Variants in MVB12B observed in about 807,000 individuals in gnomAD.
The protein encoded by MVB12B is ESCRT-I complex subunit MVB12B.
A neutral mutation model predicts 41.6 loss-of-function variants in MVB12B; 16 were observed. That is an observed-to-expected ratio of 0.38 (90% CI 0.26 to 0.58). The LOEUF (loss-of-function observed/expected upper bound fraction) is 0.58, where lower values mean the gene tolerates loss of function less well. Among genes scored for constraint, MVB12B ranks in the 20% least tolerant of loss-of-function variants. The probability of loss-of-function intolerance (pLI) is 0.62; values close to 1 mark genes in which losing one functional copy is unlikely to be tolerated. For synonymous variants in MVB12B, 133 were observed against 139.7 expected (o/e 0.95, Z 0.34); for missense variants, 274 against 380.2 (o/e 0.72, Z 2.32).
chr9:126,427,675 TATA>T (rs1372583612), intron 7 of MVB12B, among the ~76,000 whole-genome samples: 1 of 152,188 alleles, frequency 6.6e-6, no homozygotes, highest in African/African-American at 2.4e-5. Context: ...AAAACTGGCA[TATA>T]ATAAGACCAA....
At chr9:126,404,414 G>A (rs928715369) in intron 6 of MVB12B, among the ~76,000 whole-genome samples, 2 of 152,214 alleles carry the variant, frequency 1.3e-5, no homozygotes, top group Non-Finnish European at 2.9e-5. Context: ...GCAAGCTACT[G>A]TTAGTGTGCA....
At chr9:126,331,052 A>G (rs1829116935) in intron 1 of MVB12B, among the ~76,000 whole-genome samples, 1 of 152,206 alleles carries the variant, frequency 6.6e-6, no homozygotes, top group Admixed American at 6.5e-5. Flanking sequence ...TATTGTGAAT[A>G]ATGTTGCTCT....
rs531030816 is a variant in MVB12B at position 126,436,040 on chromosome 9, A to C, written c.757+14092A>C. Among the ~76,000 whole-genome samples the C allele has an allele frequency of 1.3e-5, 2 of 152,244 alleles. No homozygotes were observed. Among genetic ancestry groups the C allele is most frequent in the African/African-American group, 4.8e-5 (2 of 41,476 alleles). On this transcript the variant is annotated intron_variant, in intron 7 of 9. Coordinates refer to ENST00000361171, the MANE Select transcript of MVB12B (RefSeq NM_033446.3). The surrounding 1 kb of genome is among the most constrained non-coding windows in gnomAD (Gnocchi z 4.1). ...TTGTTTTGATTCATCATTTTTGCAGATAATTAAATGGTTCAGTTGGCACAG... is the reference window on the plus strand; with the variant it reads ...TTGTTTTGATTCATCATTTTTGCAGCTAATTAAATGGTTCAGTTGGCACAG...
chr9:126,362,200 T>A (rs1031440458), intron 2 of MVB12B, among the ~76,000 whole-genome samples: 8 of 152,198 alleles, frequency 5.3e-5, no homozygotes, highest in Non-Finnish European at 1.0e-4. Context: ...GTATTTCTTG[T>A]TCAGTTCTCC....
At chr9:126,397,644 CT>C in intron 6 of MVB12B, 1 of 985,364 alleles carries the variant, frequency 1.0e-6, no homozygotes, top group South Asian at 4.7e-5. Flanking sequence ...CCAAGTTCTC[CT>C]GTGCGGTAAT....
chr9:126,430,330 G>C (rs1298752444), intron 7 of MVB12B, among the ~76,000 whole-genome samples: 2 of 151,780 alleles, frequency 1.3e-5, no homozygotes, highest in East Asian at 3.9e-4. Context: ...CCTTGCCTTT[G>C]TCTTGCGCTA....
intron 3 of MVB12B, among the ~76,000 whole-genome samples, chr9:126,385,759 A>AT: frequency 6.6e-6 from 1 of 152,196 alleles, no homozygotes. Context: ...TACTCTGAAG[A>AT]TTTTAATGAA....
intron 2 of MVB12B, among the ~76,000 whole-genome samples, chr9:126,379,802 C>T (rs772402440): frequency 6.6e-6 from 1 of 152,182 alleles, no homozygotes; most frequent in Non-Finnish European, 1.5e-5. Context: ...GTCCTGGCTC[C>T]CGCCTCCGCC....
In MVB12B at chr9:126,484,087, G is replaced by A. The variant is rs140956186; in HGVS notation, c.873+55G>A. ...AGGCCTGGGCCATCGCCTGCACACCGGCGTCTCTCGTGTGTTCCCCTAGGG... is the reference window on the plus strand; with the variant it reads ...AGGCCTGGGCCATCGCCTGCACACCAGCGTCTCTCGTGTGTTCCCCTAGGG... On this transcript the variant is annotated intron_variant, in intron 9 of 9. Coordinates refer to ENST00000361171, the MANE Select transcript of MVB12B (RefSeq NM_033446.3). 4.9e-5 allele frequency: 75 copies of A among 1,535,906 alleles called. No individual in the cohort carries two copies. In the African/African-American group the frequency reaches 7.5e-4, roughly 15 times the overall value.
chr9:126,488,633 A>G (rs1314495468), intron 9 of MVB12B, among the ~76,000 whole-genome samples: 1 of 152,186 alleles, frequency 6.6e-6, no homozygotes, highest in African/African-American at 2.4e-5. Context: ...CACAGCAGCA[A>G]CCCAGAGCTG....
chr9:126,368,649 A>G (rs574949414), intron 2 of MVB12B, among the ~76,000 whole-genome samples: 171 of 152,326 alleles, frequency 1.1e-3, no homozygotes, highest in Non-Finnish European at 2.0e-3. Context: ...TCTAATGCCA[A>G]TACATCTCGT....
rs905962996 is a variant in MVB12B, at chr9:126,436,269, G to A, written c.757+14321G>A. Reference sequence around the variant, plus strand: ...TGATGATTGGGATGTTAGCAGATACGCCCTTTGAAACGGGAGCTGAAGAGT... The same window carrying A: ...TGATGATTGGGATGTTAGCAGATACACCCTTTGAAACGGGAGCTGAAGAGT... On this transcript the variant is annotated intron_variant, in intron 7 of 9. Coordinates refer to ENST00000361171, the MANE Select transcript of MVB12B (RefSeq NM_033446.3). The surrounding 1 kb of genome is among the most constrained non-coding windows in gnomAD (Gnocchi z 4.1). Among the ~76,000 whole-genome samples the A allele has an allele frequency of 6.6e-6, 1 of 152,192 alleles. No individual in the cohort carries two copies. The highest frequency in any genetic ancestry group is 2.4e-5 in the African/African-American group (1 of 41,442).
rs1008230647 is a variant in MVB12B at position 126,340,414 on chromosome 9, T to C, written c.82-94T>C. The C allele has an allele frequency of 6.9e-7, 1 of 1,453,548 alleles. No homozygotes were observed. Among genetic ancestry groups the C allele is most frequent in the African/African-American group, 1.4e-5 (1 of 71,454 alleles). 90.0% of individuals were successfully genotyped at this position (1,453,548 alleles called of 1,614,324 possible). ...TACAGGTATGTGAAACTCAGGGTAT[T>C]TGCCCCAAGATTCTGGTTCTGTTTG... On this transcript the variant is annotated intron_variant, in intron 1 of 9. Transcript: ENST00000361171. This position sits in a 1 kb window ranked among gnomAD's most constrained non-coding sequence, Gnocchi z 4.0.
At chr9:126,475,589 C>G (rs1305313712) in intron 7 of MVB12B, among the ~76,000 whole-genome samples, 1 of 152,184 alleles carries the variant, frequency 6.6e-6, no homozygotes, top group Non-Finnish European at 1.5e-5. Context: ...CCTGGTGGCA[C>G]TTGCTTCTCT....
rs765700716 is a variant in MVB12B, at chr9:126,376,334, C to T, written c.205-4730C>T. 3.5e-5 allele frequency: 14 copies of T among 399,666 alleles called. No homozygotes were observed. The highest frequency in any genetic ancestry group is 6.2e-5 in the African/African-American group (3 of 48,132). The allele number at this position is 399,666 out of a possible 1,614,324, so 24.8% of individuals were successfully genotyped here. ...TCTGTCCTGAGCCGGCACTGTTTCC[C>T]CCTATTCTCTTTGCTACCTTCAAGC... On this transcript the variant is annotated intron_variant, in intron 2 of 9. Coordinates refer to ENST00000361171, the MANE Select transcript of MVB12B (RefSeq NM_033446.3). This position sits in a 1 kb window ranked among gnomAD's most constrained non-coding sequence, Gnocchi z 4.1.
chr9:126,338,119 C>T (rs1004830635), intron 1 of MVB12B, among the ~76,000 whole-genome samples: 4 of 152,238 alleles, frequency 2.6e-5, no homozygotes, highest in African/African-American at 9.6e-5. Flanking sequence ...CGACTGCAGC[C>T]CGCGCGGCCC....
At position 126,459,725 on chromosome 9, in the gene MVB12B, T is replaced by TAA. The variant is rs1333161887; in HGVS notation, c.758-21643_758-21642insAA. ...GGGGCAGCTTGGAGTGCGCAGTTGT[T>TAA]ACAGCGCTCACAGGGGCCGCGCTCA... On this transcript the variant is annotated intron_variant, in intron 7 of 9. Transcript: ENST00000361171. The surrounding 1 kb of genome is among the most constrained non-coding windows in gnomAD (Gnocchi z 4.3). Among the ~76,000 whole-genome samples the TAA allele has an allele frequency of 6.6e-6, 1 of 152,104 alleles. No individual in the cohort carries two copies. Among genetic ancestry groups the TAA allele is most frequent in the East Asian group, 1.9e-4 (1 of 5,174 alleles).
At chr9:126,347,213 T>C (rs1024892628) in intron 2 of MVB12B, among the ~76,000 whole-genome samples, 2 of 152,222 alleles carry the variant, frequency 1.3e-5, no homozygotes, top group African/African-American at 4.8e-5. Flanking sequence ...GAGCCCAGTC[T>C]GAGAGGGGCA....
chr9:126,356,110 T>C (rs975587931), intron 2 of MVB12B, among the ~76,000 whole-genome samples: 1 of 152,226 alleles, frequency 6.6e-6, no homozygotes, highest in Non-Finnish European at 1.5e-5. Context: ...TATATTTTAA[T>C]GTCTGCTAGA....
Sources: allele counts gnomAD v4.1 joint callset (sites outside exome capture counted in the v4.1 genomes callset), GRCh38; gene constraint gnomAD v4.1.1; non-coding constraint Gnocchi (gnomAD v3.1); transcripts MANE v1.5; gene names NCBI Gene and HGNC (gene_info 2026-07-23, HGNC 2026-07-21).